The following CLEC4D variants were observed in gnomAD, a reference collection of about 807,000 sequenced individuals.
CLEC4D encodes the protein C-type (calcium dependent, carbohydrate-recognition domain) lectin, superfamily member 8.
A neutral mutation model predicts 21.1 loss-of-function variants in CLEC4D; 21 were observed. That is an observed-to-expected ratio of 1.00 (90% CI 0.71 to 1.43). The LOEUF is 1.43. CLEC4D is among the 40% of genes most tolerant of loss of function. The pLI is 0.00. For synonymous variants in CLEC4D, 85 were observed against 83.1 expected (o/e 1.02, Z -0.12); for missense variants, 289 against 260.7 (o/e 1.11, Z -0.75).
chr12:8,522,872 T>C (rs1940477071), downstream of CLEC4D, among the ~76,000 whole-genome samples: 1 of 152,224 alleles, frequency 6.6e-6, no homozygotes, highest in Non-Finnish European at 1.5e-5. Flanking sequence ...TTAATTTTTG[T>C]ATAAGGTGTA....
chr12:8,526,550 C>T (rs1436856530), downstream of CLEC4D, among the ~76,000 whole-genome samples: 2 of 152,152 alleles, frequency 1.3e-5, no homozygotes, highest in Non-Finnish European at 2.9e-5. Flanking sequence ...ATTTATCTTC[C>T]TCTCTAAACT....
chr12:8,529,478 G>A, the CLEC4D span, among the ~76,000 whole-genome samples: 1 of 152,088 alleles, frequency 6.6e-6, no homozygotes, highest in African/African-American at 2.4e-5. Flanking sequence ...AGCTGTGTTT[G>A]GTGGTGTGCA....
downstream of CLEC4D, among the ~76,000 whole-genome samples, chr12:8,525,058 G>A (rs1019023530): frequency 1.3e-5 from 2 of 152,194 alleles, no homozygotes; most frequent in African/African-American, 4.8e-5. Context: ...AGTGTGATCT[G>A]AGAGACTGTT....
chr12:8,518,379 A>T (rs1940412643), intron 3 of CLEC4D, 105 bp downstream of exon 3: 4 of 627,292 alleles, frequency 6.4e-6, no homozygotes, highest in Non-Finnish European at 1.2e-5. Context: ...AAAATAGCAT[A>T]AGATGAGAAT....
intron 2 of CLEC4D, 127 bp from the exon 3 acceptor site, chr12:8,518,037 T>C (rs1940404750): frequency 1.9e-6 from 1 of 518,862 alleles, no homozygotes. Flanking sequence ...ACAAGCTGCA[T>C]AGAAAGAAAA....
At chr12:8,526,126 C>G (rs1450461368), downstream of CLEC4D, among the ~76,000 whole-genome samples, 1 of 152,024 alleles carries the variant, frequency 6.6e-6, no homozygotes, top group East Asian at 1.9e-4. Context: ...ACAGTTTTTC[C>G]TTCATTTTGA....
At chr12:8,530,722 T>C in the CLEC4D span, among the ~76,000 whole-genome samples, 1 of 152,206 alleles carries the variant, frequency 6.6e-6, no homozygotes, top group African/African-American at 2.4e-5. Flanking sequence ...ACAGTATAAT[T>C]ATCTACACAG....
downstream of CLEC4D, among the ~76,000 whole-genome samples, chr12:8,523,235 A>G (rs1307978138): frequency 2.0e-5 from 3 of 152,228 alleles, no homozygotes; most frequent in Non-Finnish European, 4.4e-5. Context: ...TCTGTGAAGA[A>G]TATCAACAGT....
chr12:8,523,078 C>G (rs747550313), downstream of CLEC4D, among the ~76,000 whole-genome samples: 1 of 152,158 alleles, frequency 6.6e-6, no homozygotes, highest in African/African-American at 2.4e-5. Context: ...GGACCAGTAC[C>G]ATACTGTTTT....
downstream of CLEC4D, among the ~76,000 whole-genome samples, chr12:8,524,056 A>C (rs759723781): frequency 1.3e-5 from 2 of 152,016 alleles, no homozygotes; most frequent in Non-Finnish European, 2.9e-5. Context: ...AGCTGACTTG[A>C]TTGTGGTGGG....
At position 8,515,322 on chromosome 12, in the gene CLEC4D, T is replaced by C. The variant is rs749387928; in HGVS notation, c.115T>C (p.Cys39Arg). The C allele has an allele frequency of 7.4e-7, 1 of 1,353,984 alleles. No individual in the cohort carries two copies. The highest frequency in any genetic ancestry group is 2.3e-5 in the East Asian group (1 of 43,754). The allele number at this position is 1,353,984 out of a possible 1,614,324, so 83.9% of individuals were successfully genotyped here. The change falls in exon 2 of 6, where the codon TGT (cysteine) becomes CGT (arginine). Residue 39 changes from cysteine to arginine, a missense_variant. Transcript: ENST00000299665. Reference sequence around the variant, plus strand: ...TCTCAGTGTCTGTTTTATTGCAAGTTGTTTGGGTAAGTTATTAGCCAAAGT... The same window carrying C: ...TCTCAGTGTCTGTTTTATTGCAAGTCGTTTGGGTAAGTTATTAGCCAAAGT... ...LLLSVCFIAS[C>R]LVTHHNFSRC... is the part of the protein sequence containing the mutation.
Position 8,521,588 on chromosome 12 carries a change from A to C in CLEC4D, c.*317A>C, listed in dbSNP as rs547193189. On this transcript the variant is annotated 3_prime_UTR_variant, in exon 6 of 6. Coordinates refer to ENST00000299665, the MANE Select transcript of CLEC4D (RefSeq NM_080387.5). ...GCATGTATGGAAGAATAGCGTGAAT[A>C]ATGCAATCTCTTTGTCATTTTTCCC... 104 of 204,180 alleles carry C rather than the reference A, an allele frequency of 5.1e-4. No homozygotes were observed. Among genetic ancestry groups the C allele is most frequent in the African/African-American group, 2.4e-3 (102 of 42,994 alleles). The allele number at this position is 204,180 out of a possible 1,614,324, so 12.6% of individuals were successfully genotyped here.
downstream of CLEC4D, among the ~76,000 whole-genome samples, chr12:8,527,190 G>C (rs191028249): frequency 6.2e-3 from 946 of 152,324 alleles, 4 homozygotes; most frequent in South Asian, 0.02. Context: ...ACAGGGAGTA[G>C]GACCTGATTA....
the CLEC4D span, among the ~76,000 whole-genome samples, chr12:8,527,688 G>T: frequency 6.6e-6 from 1 of 152,356 alleles, no homozygotes; most frequent in South Asian, 2.1e-4. Flanking sequence ...TTAGACAGCA[G>T]GCAGCCACAG....
rs1307681982 is a variant in CLEC4D at position 8,522,361 on chromosome 12, T to C, written c.*1090T>C. On this transcript the variant is annotated 3_prime_UTR_variant, in exon 6 of 6. Transcript: ENST00000299665. ...CTTTAATAAAATATGGTGGTCTTTC[T>C]TAAAATTTTCAATTTGCTAATTTTT... 1.3e-5 allele frequency: 2 copies of C among 152,184 alleles called. No homozygotes were observed. Among genetic ancestry groups the C allele is most frequent in the South Asian group, 2.1e-4 (1 of 4,826 alleles). 9.4% of individuals were successfully genotyped at this position (152,184 alleles called of 1,614,324 possible). A position where few individuals can be genotyped will look rare whatever the true frequency, so the allele number is the denominator to read the frequency against.
chr12:8,521,277 C>G lies in CLEC4D; in HGVS notation c.*6C>G. Reference sequence around the variant, plus strand: ...CTGGAACAACATTGAACTAGAAACTCAGAAAGTGGTCCTTGTGATGGAAAG... The same window carrying G: ...CTGGAACAACATTGAACTAGAAACTGAGAAAGTGGTCCTTGTGATGGAAAG... On this transcript the variant is annotated 3_prime_UTR_variant, in exon 6 of 6. Coordinates refer to ENST00000299665, the MANE Select transcript of CLEC4D (RefSeq NM_080387.5). 6.2e-7 allele frequency: 1 copy of G among 1,602,660 alleles called. No individual in the cohort carries two copies. The highest frequency in any genetic ancestry group is 8.5e-7 in the Non-Finnish European group (1 of 1,175,500).
chr12:8,519,561 G>A (rs781219693), intron 4 of CLEC4D, among the ~76,000 whole-genome samples: 13 of 152,160 alleles, frequency 8.5e-5, no homozygotes, highest in Non-Finnish European at 1.8e-4. Context: ...CGCTTCCAAT[G>A]TCCCGTGCAG....
downstream of CLEC4D, among the ~76,000 whole-genome samples, chr12:8,524,700 C>T (rs749032062): frequency 6.6e-5 from 10 of 152,224 alleles, no homozygotes; most frequent in South Asian, 2.1e-4. Flanking sequence ...TATTCTCCTT[C>T]GGCTCTTCTC....
Position 8,515,251 on chromosome 12 carries a change from A to T in CLEC4D, c.44A>T (p.His15Leu), listed in dbSNP as rs1940363593. ...TTGGTCCTAGTGGAAGGAGGCATGC[A>T]TCCCCAGCTGATACCTTCGGTTATT... is the stretch of plus-strand genomic sequence containing the variant. ...KPQSKLEGGM[H>L]PQLIPSVIAV... The change falls in exon 2 of 6, where the codon CAT becomes CTT. Residue 15 changes from histidine to leucine, a missense_variant. By Grantham distance (99) the His-to-Leu change is moderately conservative. Coordinates refer to ENST00000299665, the MANE Select transcript of CLEC4D (RefSeq NM_080387.5). 1 of 1,459,010 alleles carries T rather than the reference A, an allele frequency of 6.9e-7. No individual in the cohort carries two copies. 90.4% of individuals were successfully genotyped at this position (1,459,010 alleles called of 1,614,324 possible). A position where few individuals can be genotyped will look rare whatever the true frequency, so the allele number is the denominator to read the frequency against.
Sources: allele counts gnomAD v4.1 joint callset (sites outside exome capture counted in the v4.1 genomes callset), GRCh38; gene constraint gnomAD v4.1.1; transcripts MANE v1.5; gene names NCBI Gene and HGNC (gene_info 2026-07-23, HGNC 2026-07-21).